The following GRM7 variants were observed in gnomAD, a reference collection of about 807,000 sequenced individuals.
The protein encoded by GRM7 is metabotropic glutamate receptor 7.
In GRM7, 35 loss-of-function variants were observed where a neutral mutation model predicts 84.5. That is an observed-to-expected ratio of 0.41 (90% CI 0.32 to 0.55). The LOEUF (loss-of-function observed/expected upper bound fraction) is 0.55. GRM7 is among the 20% of genes least tolerant of loss of function. GRM7 has a pLI of 0.19. For synonymous variants in GRM7, 487 were observed against 455.1 expected, an observed-to-expected ratio of 1.07 and a Z score of -0.89; for missense variants, 1,003 against 1,194.6, an observed-to-expected ratio of 0.84 and a Z score of 2.36.
At chr3:7,534,024 T>C (rs1243655623) in intron 7 of GRM7, among the ~76,000 whole-genome samples, 2 of 151,016 alleles carry the variant, frequency 1.3e-5, no homozygotes, top group African/African-American at 4.9e-5. Flanking sequence ...TTTTTTTTTT[T>C]TTTTTTTTGA....
chr3:7,269,884 T>A (rs1698789904), intron 2 of GRM7, among the ~76,000 whole-genome samples: 1 of 152,036 alleles, frequency 6.6e-6, no homozygotes, highest in South Asian at 2.1e-4. Flanking sequence ...GCTGTTTTCT[T>A]AACTAGAAAC....
chr3:7,157,537 G>A (rs1424415958), intron 2 of GRM7, among the ~76,000 whole-genome samples: 5 of 151,340 alleles, frequency 3.3e-5, no homozygotes, highest in Admixed American at 3.3e-4. Context: ...ATCCTCAAAA[G>A]AAACCATCAC....
At chr3:7,728,785 C>T (rs372307868) in intron 9 of GRM7, among the ~76,000 whole-genome samples, 1 of 152,200 alleles carries the variant, frequency 6.6e-6, no homozygotes, top group Non-Finnish European at 1.5e-5. Flanking sequence ...GGAGGCCTGT[C>T]TGTGTGACTG....
intron 1 of GRM7, among the ~76,000 whole-genome samples, chr3:7,019,089 C>G (rs1386360001): frequency 6.6e-6 from 1 of 152,164 alleles, no homozygotes; most frequent in Non-Finnish European, 1.5e-5. Context: ...CAGAGGAAGA[C>G]TCCATCTCAG....
intron 1 of GRM7, among the ~76,000 whole-genome samples, chr3:7,077,457 C>A (rs989886206): frequency 6.6e-6 from 1 of 150,874 alleles, no homozygotes; most frequent in African/African-American, 2.4e-5. Flanking sequence ...TCATTCTCAG[C>A]AAACTAATGC....
intron 8 of GRM7, among the ~76,000 whole-genome samples, chr3:7,679,182 A>G (rs920941526): frequency 6.6e-6 from 1 of 152,164 alleles, no homozygotes; most frequent in Admixed American, 6.5e-5. Flanking sequence ...AACGTTCCAT[A>G]CGTAGGAAAA....
intron 1 of GRM7, among the ~76,000 whole-genome samples, chr3:7,026,628 A>T (rs1290314815): frequency 1.3e-5 from 2 of 152,220 alleles, no homozygotes; most frequent in Non-Finnish European, 2.9e-5. Flanking sequence ...AAAATGCTCA[A>T]TTATGCAAAT....
chr3:7,702,836 CTT>C (rs1575651487), intron 9 of GRM7, among the ~76,000 whole-genome samples: 2 of 152,008 alleles, frequency 1.3e-5, no homozygotes, highest in African/African-American at 4.8e-5. Context: ...TACAAAAACA[CTT>C]TTTTCAAATG....
intron 1 of GRM7, among the ~76,000 whole-genome samples, chr3:7,099,521 T>C (rs1372471370): frequency 6.8e-6 from 1 of 148,058 alleles, no homozygotes; most frequent in Non-Finnish European, 1.5e-5. Context: ...TATATGTATA[T>C]GTACACGCAT....
intron 4 of GRM7, among the ~76,000 whole-genome samples, chr3:7,397,320 A>T (rs1350660475): frequency 1.3e-5 from 2 of 152,164 alleles, no homozygotes; most frequent in Non-Finnish European, 2.9e-5. Context: ...TTTCACCATT[A>T]GAAGAAAGTT....
intron 1 of GRM7, among the ~76,000 whole-genome samples, chr3:7,109,343 G>T: frequency 6.6e-6 from 1 of 152,090 alleles, no homozygotes; most frequent in Middle Eastern, 3.2e-3. Context: ...ATTCTTACAG[G>T]TTATTTTAAT....
chr3:7,225,630 G>A (rs1027132621), intron 2 of GRM7, among the ~76,000 whole-genome samples: 2 of 150,118 alleles, frequency 1.3e-5, no homozygotes, highest in Non-Finnish European at 3.0e-5. Flanking sequence ...TATTTTAAAT[G>A]AATTAAATTA....
chr3:7,619,704 G>A (rs1697269088), intron 8 of GRM7, among the ~76,000 whole-genome samples: 1 of 152,100 alleles, frequency 6.6e-6, no homozygotes, highest in Non-Finnish European at 1.5e-5. Context: ...TAGATTCAGT[G>A]TGGGGTGCTT....
chr3:6,986,187 A>AG, intron 1 of GRM7, among the ~76,000 whole-genome samples: 1 of 152,324 alleles, frequency 6.6e-6, no homozygotes, highest in Middle Eastern at 3.4e-3. Flanking sequence ...ATCAGTCATT[A>AG]GGTGTTCCTA....
At chr3:7,267,669 A>G (rs922169306) in intron 2 of GRM7, among the ~76,000 whole-genome samples, 1 of 152,238 alleles carries the variant, frequency 6.6e-6, no homozygotes, top group Non-Finnish European at 1.5e-5. Context: ...TCTCGAATCC[A>G]TCTTTCCCAC....
At chr3:7,484,744 C>T (rs918596377) in intron 7 of GRM7, among the ~76,000 whole-genome samples, 1 of 152,184 alleles carries the variant, frequency 6.6e-6, no homozygotes, top group Non-Finnish European at 1.5e-5. Context: ...GATTTAGCCT[C>T]TAAAATGGTG....
intron 7 of GRM7, among the ~76,000 whole-genome samples, chr3:7,568,915 G>A (rs1469183953): frequency 2.0e-5 from 3 of 152,030 alleles, no homozygotes; most frequent in Admixed American, 6.5e-5. Context: ...CCTCCCGGAC[G>A]AGCGCCGCCC....
intron 2 of GRM7, among the ~76,000 whole-genome samples, chr3:7,279,827 C>T (rs1320332367): frequency 6.6e-6 from 1 of 152,124 alleles, no homozygotes; most frequent in African/African-American, 2.4e-5. Context: ...GAGACACTTA[C>T]AGTCATTGAA....
chr3:7,686,471 A>G, intron 9 of GRM7: 1 of 1,013,894 alleles, frequency 9.9e-7, no homozygotes, highest in Non-Finnish European at 1.6e-6. Context: ...TCTAATTCTT[A>G]TTTATTTATG....
Sources: gnomAD v4.1 joint callset for allele counts (sites outside exome capture counted in the v4.1 genomes callset) on GRCh38, gnomAD v4.1.1 for gene constraint, MANE v1.5 for transcripts, NCBI Gene and HGNC (gene_info 2026-07-23, HGNC 2026-07-21) for gene names.